C1QTNF6: variants seen among roughly 807,000 people sequenced by gnomAD.
C1QTNF6 encodes C1q and TNF related 6, also known as complement C1q tumor necrosis factor-related protein 6.
A neutral mutation model predicts 20.7 loss-of-function variants in C1QTNF6; 17 were observed. The ratio of observed to expected loss-of-function variants is 0.82; its 90% CI spans 0.56 to 1.23. The LOEUF (loss-of-function observed/expected upper bound fraction) is 1.23, where lower values mean the gene tolerates loss of function less well. Ranked by LOEUF, C1QTNF6 falls within the 50% of genes most tolerant of loss-of-function variation. The pLI is 0.00. For synonymous variants in C1QTNF6, 130 were observed against 156.3 expected (o/e 0.83, Z 1.25); for missense variants, 329 against 389.7 (o/e 0.84, Z 1.31).
At chr22:37,198,756 C>T (rs1166215055), upstream of C1QTNF6, among the ~76,000 whole-genome samples, 1 of 152,168 alleles carries the variant, frequency 6.6e-6, no homozygotes, top group Non-Finnish European at 1.5e-5. Flanking sequence ...CCAGGGCGCC[C>T]ATGCACTCGC....
rs763296656 is a variant in C1QTNF6, at chr22:37,185,419, C to T, written c.88G>A (p.Ala30Thr). The part of the protein sequence containing the change: ...MGTAALGPVW[A>T]ALLLFLLMCE... ...ATCAGGAGAAAGAGCAGGAGCGCTG[C>T]CCAGACGGGACCCAGGGCGGCTGTC... is the stretch of plus-strand genomic sequence containing the variant. The change falls in exon 2 of 3, where the codon GCA (alanine) becomes ACA (threonine). Residue 30 changes from alanine (A) to threonine (T), a missense_variant. By Grantham distance (58) the Ala-to-Thr change is moderately conservative. Transcript: ENST00000337843. The T allele has an allele frequency of 1.2e-6, 2 of 1,610,494 alleles. No homozygotes were observed. Among genetic ancestry groups the T allele is most frequent in the South Asian group, 2.2e-5 (2 of 90,720 alleles).
At chr22:37,190,943 A>C (rs1924781092), upstream of C1QTNF6, 1 of 152,240 alleles carries the variant, frequency 6.6e-6, no homozygotes, top group African/African-American at 2.4e-5. Flanking sequence ...AAAACAAAAC[A>C]GAAAGATCAA....
intron 2 of C1QTNF6, among the ~76,000 whole-genome samples, chr22:37,194,381 C>T (rs1004942520): frequency 3.3e-5 from 5 of 152,158 alleles, no homozygotes; most frequent in African/African-American, 1.2e-4. Context: ...TCGTATTAAT[C>T]AAATTCCTTG....
Position 37,184,228 on chromosome 22 carries a change from C to T in C1QTNF6, c.289+990G>A. 1 of 656,418 alleles carries T rather than the reference C, an allele frequency of 1.5e-6. No individual in the cohort carries two copies. Among genetic ancestry groups the T allele is most frequent in the Admixed American group, 2.2e-5 (1 of 46,422 alleles). The allele number at this position is 656,418 out of a possible 1,614,324, so 40.7% of individuals were successfully genotyped here. A position where few individuals can be genotyped will look rare whatever the true frequency, so the allele number is the denominator to read the frequency against. ...TGACCACTGGCTGTGCAGTGAGTGT[C>T]CCCGGGGAGAGCTCAGGAACAAATC... On this transcript the variant is annotated intron_variant, in intron 2 of 2. Coordinates refer to ENST00000337843, the MANE Select transcript of C1QTNF6 (RefSeq NM_031910.4). The surrounding 1 kb of genome is among the most constrained non-coding windows in gnomAD (Gnocchi z 4.0).
rs1371090391 is a variant in C1QTNF6 at position 37,188,177 on chromosome 22, C to A, written c.37G>T (p.Ala13Ser). The A allele has an allele frequency of 1.9e-6, 3 of 1,609,954 alleles. No homozygotes were observed. The highest frequency in any genetic ancestry group is 1.7e-5 in the Admixed American group (1 of 59,636). Reference sequence around the variant, plus strand: ...TGGTCACTCACCCTGTGTCCTGTGGCCTCCCCAGGCGACTCACGGACCCTG... The same window carrying A: ...TGGTCACTCACCCTGTGTCCTGTGGACTCCCCAGGCGACTCACGGACCCTG... ...WLRVRESPGEATGHRVTMGTA... is the reference protein window; with the variant it reads ...WLRVRESPGESTGHRVTMGTA... Residue 13 changes from alanine to serine, a missense_variant, in exon 1 of 3, where the codon GCC becomes TCC. Transcript: ENST00000337843.
In C1QTNF6 at chr22:37,185,073, T is replaced by A. The variant is rs529872140; in HGVS notation, c.289+145A>T. Reference sequence around the variant, plus strand: ...TTTGTTCACGCTCCGTCATCAGTGTTTGGAACAGACCAGGCTCACATTGGG... The same window carrying A: ...TTTGTTCACGCTCCGTCATCAGTGTATGGAACAGACCAGGCTCACATTGGG... On this transcript the variant is annotated intron_variant, in intron 2 of 2. Transcript: ENST00000337843. 8 of 1,377,990 alleles carry A rather than the reference T, an allele frequency of 5.8e-6. No homozygotes were observed. In the Admixed American group the frequency reaches 2.3e-4, roughly 39 times the overall value. 85.4% of individuals were successfully genotyped at this position (1,377,990 alleles called of 1,614,324 possible).
intron 1 of C1QTNF6, chr22:37,197,350 G>C (rs1414144364): frequency 6.6e-6 from 1 of 152,290 alleles, no homozygotes; most frequent in East Asian, 1.9e-4. Context: ...CAGCACTGGA[G>C]AGGGAGACAG....
chr22:37,197,293 C>T (rs911374178), intron 1 of C1QTNF6: 4 of 152,258 alleles, frequency 2.6e-5, no homozygotes, highest in African/African-American at 9.6e-5. Flanking sequence ...GGGAGGGAGC[C>T]AAGGGGAGCC....
chr22:37,188,234 AT>A lies in C1QTNF6; in HGVS notation c.-22del. 6.4e-7 allele frequency: 1 copy of A among 1,566,414 alleles called. No homozygotes were observed. ...TGCATGGCCTCTGGCTCCTTGGCCCATGTCTGCAATACTAACTTGTTGCTGG... is the reference window on the plus strand; with the variant it reads ...TGCATGGCCTCTGGCTCCTTGGCCCAGTCTGCAATACTAACTTGTTGCTGG... On this transcript the variant is annotated 5_prime_UTR_variant, in exon 1 of 3. The change abolishes an upstream ATG in the 5' untranslated region. Transcript: ENST00000337843.
intron 2 of C1QTNF6, 152 bp downstream of exon 2, chr22:37,185,066 T>A: frequency 7.5e-7 from 1 of 1,330,704 alleles, no homozygotes; most frequent in Non-Finnish European, 9.7e-7. Context: ...CGCTCCGTCA[T>A]CAGTGTTTGG....
upstream of C1QTNF6, chr22:37,188,403 G>T: frequency 2.0e-6 from 1 of 492,052 alleles, no homozygotes; most frequent in Non-Finnish European, 3.5e-6. Flanking sequence ...GGGTTCTGCG[G>T]AGATAAAGGG....
chr22:37,182,228 A>G lies in C1QTNF6; in HGVS notation c.797T>C (p.Ile266Thr). The G allele has an allele frequency of 6.2e-7, 1 of 1,613,928 alleles. No individual in the cohort carries two copies. Among genetic ancestry groups the G allele is most frequent in the Non-Finnish European group, 8.5e-7 (1 of 1,179,882 alleles). ...CTTGATGAGGTGGCCGCTGAAGGTG[A>G]TGTAGGTGTCGAAGTCGTTGCTGTA... ...AIYSNDFDTYITFSGHLIKAE... is the reference protein window; with the variant it reads ...AIYSNDFDTYTTFSGHLIKAE... Residue 266 changes from isoleucine (I) to threonine (T), a missense_variant, in exon 3 of 3, where the codon ATC becomes ACC. Transcript: ENST00000337843.
chr22:37,188,918 C>T (rs1008999288), upstream of C1QTNF6, among the ~76,000 whole-genome samples: 2 of 152,212 alleles, frequency 1.3e-5, no homozygotes, highest in African/African-American at 4.8e-5. Flanking sequence ...GGTAAGTCCA[C>T]AGAGCAAAGT....
At chr22:37,188,283 AGGAGGGAGAGAGGAGGGGAT>A (rs535685845), upstream of C1QTNF6, 6 of 1,153,024 alleles carry the variant, frequency 5.2e-6, no homozygotes, top group Non-Finnish European at 7.0e-6. Context: ...GGCCCAGCAG[AGGAGGGAGAGAGGAGGGGAT>A]GGAGGGAGAG....
chr22:37,197,761 C>A (rs75585752), upstream of C1QTNF6: 1 of 152,258 alleles, frequency 6.6e-6, no homozygotes, highest in Admixed American at 6.5e-5. Context: ...TAGCTTTGAC[C>A]GTGCCTGAAA....
At chr22:37,182,969 C>A in intron 2 of C1QTNF6, 1 of 1,385,336 alleles carries the variant, frequency 7.2e-7, no homozygotes, top group Non-Finnish European at 9.3e-7. Flanking sequence ...CCACACAGTG[C>A]AGGAGCAGAA....
chr22:37,198,683 C>T (rs1371834553), upstream of C1QTNF6, among the ~76,000 whole-genome samples: 1 of 151,660 alleles, frequency 6.6e-6, no homozygotes, highest in Non-Finnish European at 1.5e-5. Context: ...ACGCTCCCCG[C>T]TCCCCGGTCC....
In C1QTNF6 at chr22:37,182,038, T is replaced by G. The variant is rs1011586907; in HGVS notation, c.*150A>C. On this transcript the variant is annotated 3_prime_UTR_variant, in exon 3 of 3. Coordinates refer to ENST00000337843, the MANE Select transcript of C1QTNF6 (RefSeq NM_031910.4). ...AGCAGAAATAGGCTGGGAGGGATGA[T>G]GGCAGCCAAGATAGAAGCAGGGTCT... 1 of 800,082 alleles carries G rather than the reference T, an allele frequency of 1.2e-6. No individual in the cohort carries two copies. Among genetic ancestry groups the G allele is most frequent in the African/African-American group, 1.7e-5 (1 of 57,386 alleles). The allele number at this position is 800,082 out of a possible 1,614,324, so 49.6% of individuals were successfully genotyped here.
rs1490639299 is a variant in C1QTNF6, at chr22:37,180,330, C to G, written c.*1858G>C. Reference sequence around the variant, plus strand: ...GGAGCCACGGCTCCTCGGCTGTGAGCACCAGAGATCACCCCCCGGGGCACC... The same window carrying G: ...GGAGCCACGGCTCCTCGGCTGTGAGGACCAGAGATCACCCCCCGGGGCACC... On this transcript the variant is annotated 3_prime_UTR_variant, in exon 3 of 3. Coordinates refer to ENST00000337843, the MANE Select transcript of C1QTNF6 (RefSeq NM_031910.4). 1 of 152,688 alleles carries G rather than the reference C, an allele frequency of 6.5e-6. No individual in the cohort carries two copies. The highest frequency in any genetic ancestry group is 1.5e-5 in the Non-Finnish European group (1 of 68,116). The allele number at this position is 152,688 out of a possible 1,614,324, so 9.5% of individuals were successfully genotyped here.
Sources: allele counts gnomAD v4.1 joint callset (sites outside exome capture counted in the v4.1 genomes callset), GRCh38; gene constraint gnomAD v4.1.1; non-coding constraint Gnocchi (gnomAD v3.1); transcripts MANE v1.5; gene names NCBI Gene and HGNC (gene_info 2026-07-23, HGNC 2026-07-21).